Variants in HSPG2 observed in about 807,000 individuals in gnomAD.
HSPG2 encodes the protein heparan sulfate proteoglycan 2.
HSPG2 carries 278 observed loss-of-function variants against 526.6 expected under a neutral mutation model. The ratio of observed to expected loss-of-function variants is 0.53; its 90% CI spans 0.48 to 0.58. The LOEUF (loss-of-function observed/expected upper bound fraction) is 0.58, where lower values mean the gene tolerates loss of function less well. Ranked by LOEUF, HSPG2 falls within the 20% of genes least tolerant of loss-of-function variation. HSPG2 has a pLI of 0.00. For missense variants in HSPG2, 5,354 were observed against 6,099.5 expected (o/e 0.88, Z 4.07); for synonymous variants, 2,465 against 2,555.4 (o/e 0.96, Z 1.07).
At position 21,842,924 on chromosome 1, in the gene HSPG2, G is replaced by A. The variant is rs770850174; in HGVS notation, c.8759-3C>T. On this transcript the variant is annotated splice_region_variant and splice_polypyrimidine_tract_variant and intron_variant, in intron 66 of 96. Transcript: ENST00000374695. ...GATGGGCTGGGCCAGTCCTGGAGCTGTGGGCACAGGGGGTGGGTGAGAGAG... is the reference window on the plus strand; with the variant it reads ...GATGGGCTGGGCCAGTCCTGGAGCTATGGGCACAGGGGGTGGGTGAGAGAG... 6.2e-7 allele frequency: 1 copy of A among 1,614,144 alleles called. No homozygotes were observed. Among genetic ancestry groups the A allele is most frequent in the East Asian group, 2.2e-5 (1 of 44,886 alleles).
Position 21,876,640 on chromosome 1 carries a change from C to A in HSPG2, c.2698G>T (p.Gly900Trp). 1 of 1,614,196 alleles carries A rather than the reference C, an allele frequency of 6.2e-7. No homozygotes were observed. The highest frequency in any genetic ancestry group is 2.2e-5 in the East Asian group (1 of 44,884). Residue 900 changes from glycine to tryptophan, a missense_variant, in exon 22 of 97, where the codon GGG (glycine) becomes TGG (tryptophan). Physicochemically the swap from Gly to Trp is radical, Grantham distance 184. Coordinates refer to ENST00000374695, the MANE Select transcript of HSPG2 (RefSeq NM_005529.7). ...EACRCKNNVV[G>W]RLCNECADGS... is the part of the protein sequence containing the mutation. ...TCAGCACATTCATTGCACAAGCGCC[C>A]CACCACATTGTTCTGCAGGCACAGA...
Position 21,854,317 on chromosome 1 carries a change from G to C in HSPG2, c.6315C>G (p.Pro2105=), listed in dbSNP as rs1379276404. The C allele has an allele frequency of 1.3e-6, 2 of 1,572,910 alleles. No homozygotes were observed. Among genetic ancestry groups the C allele is most frequent in the Non-Finnish European group, 1.7e-6 (2 of 1,158,798 alleles). Residue 2105 remains proline, a synonymous_variant, in exon 50 of 97, where the codon CCC becomes CCG. Coordinates refer to ENST00000374695, the MANE Select transcript of HSPG2 (RefSeq NM_005529.7). The part of the protein sequence containing the change: ...TQVHGSRLRL[P]QVSPADSGEY... ...CTCCAGAATCAGCTGGTGAGACCTG[G>C]GGGAGCCGCAGACGGGAGCCGTGCA...
intron 1 of HSPG2, among the ~76,000 whole-genome samples, chr1:21,931,559 C>T (rs912405137): frequency 2.0e-5 from 3 of 152,176 alleles, no homozygotes; most frequent in Non-Finnish European, 4.4e-5. Context: ...AAGTCATATT[C>T]ACTTCCTCCT....
At chr1:21,843,147 G>T in intron 66 of HSPG2, 150 bp downstream of exon 66, 1 of 1,216,906 alleles carries the variant, frequency 8.2e-7, no homozygotes, top group South Asian at 1.3e-5. Context: ...TGTCAGACTT[G>T]GGAACACCTG....
rs927473035 is a variant in HSPG2, at chr1:21,846,447, C to T, written c.8316+1G>A. 8 of 1,613,342 alleles carry T rather than the reference C, an allele frequency of 5.0e-6. No individual in the cohort carries two copies. The Admixed American group carries it at 1.0e-4, about 20-fold the overall frequency. On this transcript the variant is annotated splice_donor_variant, in intron 63 of 96. Coordinates refer to ENST00000374695, the MANE Select transcript of HSPG2 (RefSeq NM_005529.7). LOFTEE classifies it high-confidence loss of function. ...CCCACCATTTCCTGCCAGCTGCATA[C>T]CTGATGGTGACTGGGGAGGCTGCCC...
chr1:21,894,501 TG>T (rs1414845125), intron 3 of HSPG2, among the ~76,000 whole-genome samples: 1 of 152,174 alleles, frequency 6.6e-6, no homozygotes, highest in Non-Finnish European at 1.5e-5. Context: ...CTGGAGGGTC[TG>T]AGGCCCCACC....
At chr1:21,908,840 G>T (rs993513459) in intron 1 of HSPG2, among the ~76,000 whole-genome samples, 2 of 152,202 alleles carry the variant, frequency 1.3e-5, no homozygotes, top group South Asian at 4.1e-4. Flanking sequence ...ACAAAGTCAG[G>T]ACAGGCTGGG....
At chr1:21,906,357 G>A (rs941443187) in intron 1 of HSPG2, among the ~76,000 whole-genome samples, 8 of 152,244 alleles carry the variant, frequency 5.3e-5, no homozygotes, top group African/African-American at 1.4e-4. Context: ...TGTACTCAGC[G>A]CTTGTTCCCG....
chr1:21,874,087 G>T, intron 28 of HSPG2, 76 bp from the exon 29 acceptor site: 1 of 1,294,414 alleles, frequency 7.7e-7, no homozygotes, highest in Admixed American at 2.0e-5. Flanking sequence ...CAGGACCAGG[G>T]GAGAGGGGAG....
chr1:21,922,409 C>T (rs924918681), intron 1 of HSPG2, among the ~76,000 whole-genome samples: 11 of 152,196 alleles, frequency 7.2e-5, no homozygotes, highest in East Asian at 1.9e-4. Flanking sequence ...CTTTTCTGGG[C>T]GGTCTGAAGC....
intron 1 of HSPG2, chr1:21,908,591 A>T: frequency 1.3e-5 from 7 of 519,502 alleles, no homozygotes; most frequent in East Asian, 6.8e-5. Context: ...TAGGTATTTA[A>T]AAAAAAAAAA....
rs749616023 is a variant in HSPG2 at position 21,848,604 on chromosome 1, G to A, written c.7737+39C>T. The A allele has an allele frequency of 3.4e-5, 54 of 1,611,276 alleles. No homozygotes were observed. The highest frequency in any genetic ancestry group is 4.3e-5 in the Non-Finnish European group (51 of 1,179,134). On this transcript the variant is annotated intron_variant, in intron 59 of 96. Coordinates refer to ENST00000374695, the MANE Select transcript of HSPG2 (RefSeq NM_005529.7). This position sits in a 1 kb window ranked among gnomAD's most constrained non-coding sequence, Gnocchi z 4.9. ...CCCCCTCTTCCCATTGGGGGCTGGT[G>A]TGCCCTGCTTTTGCCCTCCCCACCT...
chr1:21,839,062 G>A lies in HSPG2; in HGVS notation c.9913C>T (p.Pro3305Ser), dbSNP rs1287909469. 4 of 1,588,912 alleles carry A rather than the reference G, an allele frequency of 2.5e-6. No homozygotes were observed. The highest frequency in any genetic ancestry group is 8.6e-7 in the Non-Finnish European group (1 of 1,162,152). ...CCTGCCTGCACCGAAGCGTGCTCTGGGACCGTGGTGGCATATGGTGGGCCT... is the reference window on the plus strand; with the variant it reads ...CCTGCCTGCACCGAAGCGTGCTCTGAGACCGTGGTGGCATATGGTGGGCCT... ...VESPPYATTV[P>S]EHASVQAGET... Residue 3305 changes from proline (P) to serine (S), a missense_variant, in exon 74 of 97, where the codon CCA becomes TCA. Transcript: ENST00000374695. The surrounding 1 kb of genome is among the most constrained non-coding windows in gnomAD (Gnocchi z 4.5).
intron 33 of HSPG2, chr1:21,869,664 C>G (rs1181891944): frequency 7.1e-6 from 7 of 985,880 alleles, no homozygotes; most frequent in Non-Finnish European, 8.4e-6. Flanking sequence ...CCTCGTCCAC[C>G]TGGGGGACCA....
chr1:21,924,383 G>A (rs963194611), intron 1 of HSPG2, among the ~76,000 whole-genome samples: 3 of 152,186 alleles, frequency 2.0e-5, no homozygotes, highest in African/African-American at 7.2e-5. Flanking sequence ...CAGTGTCAGG[G>A]GAAGGAATCA....
chr1:21,839,704 G>C lies in HSPG2; in HGVS notation c.9709+118C>G. ...CATCACTGGGGGATGCTAGCAACACGGTCTCCCCGTACTCCCCACCCCTGG... is the reference window on the plus strand; with the variant it reads ...CATCACTGGGGGATGCTAGCAACACCGTCTCCCCGTACTCCCCACCCCTGG... On this transcript the variant is annotated intron_variant, in intron 72 of 96. Transcript: ENST00000374695. The surrounding 1 kb of genome is among the most constrained non-coding windows in gnomAD (Gnocchi z 4.5). The C allele has an allele frequency of 7.3e-7, 1 of 1,375,958 alleles. No homozygotes were observed. The allele number at this position is 1,375,958 out of a possible 1,614,324, so 85.2% of individuals were successfully genotyped here. A position where few individuals can be genotyped will look rare whatever the true frequency, so the allele number is the denominator to read the frequency against.
At chr1:21,830,806 G>A (rs1375969007) in intron 85 of HSPG2, 176 bp downstream of exon 85, 1 of 624,262 alleles carries the variant, frequency 1.6e-6, no homozygotes, top group African/African-American at 1.8e-5. Context: ...GTGATGGGGT[G>A]AGGGCCTTCG....
chr1:21,896,199 T>C lies in HSPG2; in HGVS notation c.175A>G (p.Met59Val), dbSNP rs772432762. The change falls in exon 2 of 97, where the codon ATG becomes GTG. Residue 59 changes from methionine to valine, a missense_variant. Transcript: ENST00000374695. ...THSYLSDDED[M>V]LADSISGDDL... Reference sequence around the variant, plus strand: ...CCTCCTGAGATGCTGTCAGCCAGCATGTCCTCATCATCAGAAAGGTACGAA... The same window carrying C: ...CCTCCTGAGATGCTGTCAGCCAGCACGTCCTCATCATCAGAAAGGTACGAA... The C allele has an allele frequency of 8.1e-6, 13 of 1,613,788 alleles. No homozygotes were observed. Among genetic ancestry groups the C allele is most frequent in the Middle Eastern group, 1.7e-4 (1 of 6,060 alleles).
At chr1:21,932,426 A>G (rs1644372159) in intron 1 of HSPG2, among the ~76,000 whole-genome samples, 1 of 152,228 alleles carries the variant, frequency 6.6e-6, no homozygotes, top group African/African-American at 2.4e-5. Context: ...GGATCAGGCT[A>G]GTAGCTACAG....
Sources: gnomAD v4.1 joint callset for allele counts (sites outside exome capture counted in the v4.1 genomes callset) on GRCh38, gnomAD v4.1.1 for gene constraint, Gnocchi (gnomAD v3.1) non-coding constraint, MANE v1.5 for transcripts, NCBI Gene and HGNC (gene_info 2026-07-23, HGNC 2026-07-21) for gene names.